The following ZNF407 variants were observed in gnomAD, a reference collection of about 807,000 sequenced individuals.
ZNF407 encodes the protein zinc finger protein 407.
Under a neutral mutation model 131.2 loss-of-function variants are expected in ZNF407, and 17 were observed. The observed-to-expected ratio is 0.13, with a 90% CI of 0.09 to 0.19. The LOEUF (loss-of-function observed/expected upper bound fraction) is 0.19, where lower values mean the gene tolerates loss of function less well. Among genes scored for constraint, ZNF407 ranks in the 10% least tolerant of loss-of-function variants. The pLI, the probability that ZNF407 is intolerant of heterozygous loss-of-function variation, is 1.00. For synonymous variants in ZNF407, 1,156 were observed against 1,062.0 expected (o/e 1.09, Z -1.72); for missense variants, 2,681 against 2,830.6 (o/e 0.95, Z 1.20).
chr18:74,909,450 ATGTTC>A (rs1971639644), intron 7 of ZNF407, among the ~76,000 whole-genome samples: 1 of 152,150 alleles, frequency 6.6e-6, no homozygotes, highest in Non-Finnish European at 1.5e-5. Flanking sequence ...GAAAAAGAAA[ATGTTC>A]TGTAGTCAAA....
At chr18:74,836,031 G>A (rs1209066582) in intron 4 of ZNF407, among the ~76,000 whole-genome samples, 2 of 151,120 alleles carry the variant, frequency 1.3e-5, no homozygotes, top group Non-Finnish European at 1.5e-5. Flanking sequence ...AAAAGAGGCA[G>A]GAAATTAGGG....
intron 7 of ZNF407, among the ~76,000 whole-genome samples, chr18:74,914,437 C>T (rs537638090): frequency 1.3e-5 from 2 of 152,318 alleles, no homozygotes; most frequent in South Asian, 2.1e-4. Context: ...CTTTCCCCTC[C>T]GTCACTTCCT....
At chr18:74,991,683 C>G (rs917079423) in intron 8 of ZNF407, among the ~76,000 whole-genome samples, 1 of 152,170 alleles carries the variant, frequency 6.6e-6, no homozygotes, top group Non-Finnish European at 1.5e-5. Flanking sequence ...AGGTTGAGTT[C>G]TATGTTCAGA....
rs1983316262 is a variant in ZNF407, at chr18:74,616,867, C to T, written c.-53-14100C>T. On this transcript the variant is annotated intron_variant, in intron 1 of 8. Transcript: ENST00000299687. ...CACGCATCCATATCCACACACCACA[C>T]GCATCCATATCCACACACCACACAC... is the stretch of plus-strand genomic sequence containing the variant. 2.3e-4 allele frequency among the ~76,000 whole-genome samples: 12 copies of T among 51,332 alleles called. 1 individual carries two copies. Among genetic ancestry groups the T allele is most frequent in the Admixed American group, 6.1e-4 (3 of 4,948 alleles). The allele number at this position is 51,332 out of a possible 152,430, so 33.7% of individuals were successfully genotyped here. A position where few individuals can be genotyped will look rare whatever the true frequency, so the allele number is the denominator to read the frequency against.
intron 4 of ZNF407, among the ~76,000 whole-genome samples, chr18:74,848,592 T>C (rs1365971524): frequency 6.6e-6 from 1 of 150,510 alleles, no homozygotes; most frequent in East Asian, 1.9e-4. Context: ...GTAAATTTGA[T>C]AAAATATTTT....
chr18:74,662,810 A>G (rs1985769428), intron 3 of ZNF407, among the ~76,000 whole-genome samples: 3 of 152,228 alleles, frequency 2.0e-5, no homozygotes, highest in Non-Finnish European at 4.4e-5. Context: ...GGTGAAAAGT[A>G]TTCAATTGTC....
At chr18:74,667,131 C>T (rs1460442169) in intron 3 of ZNF407, among the ~76,000 whole-genome samples, 5 of 152,176 alleles carry the variant, frequency 3.3e-5, no homozygotes, top group Non-Finnish European at 7.3e-5. Flanking sequence ...TTTCTGCACC[C>T]TCTACCTGTG....
intron 1 of ZNF407, among the ~76,000 whole-genome samples, chr18:74,611,044 C>T (rs73480534): frequency 6.6e-6 from 1 of 152,290 alleles, no homozygotes; most frequent in African/African-American, 2.4e-5. Flanking sequence ...TTTTGATATC[C>T]TCTCTAAAGT....
intron 3 of ZNF407, among the ~76,000 whole-genome samples, chr18:74,670,113 C>T (rs1313816853): frequency 6.6e-6 from 1 of 152,164 alleles, no homozygotes; most frequent in Non-Finnish European, 1.5e-5. Context: ...TTCACATCAC[C>T]AGAGTCTGAT....
chr18:74,766,645 G>GA (rs1272210486), intron 3 of ZNF407, among the ~76,000 whole-genome samples: 1 of 151,766 alleles, frequency 6.6e-6, no homozygotes, highest in Non-Finnish European at 1.5e-5. Flanking sequence ...TCTAACTAAA[G>GA]AAAAAAAGAA....
At chr18:74,683,889 G>T (rs1278824276) in intron 3 of ZNF407, among the ~76,000 whole-genome samples, 1 of 152,132 alleles carries the variant, frequency 6.6e-6, no homozygotes, top group East Asian at 1.9e-4. Context: ...TTTTCCAGAG[G>T]TTTAAGATCA....
intron 4 of ZNF407, among the ~76,000 whole-genome samples, chr18:74,865,255 C>T (rs1970994589): frequency 1.3e-5 from 2 of 152,160 alleles, no homozygotes; most frequent in Non-Finnish European, 2.9e-5. Context: ...AGTTCATTTC[C>T]ATCTGAAAAA....
intron 8 of ZNF407, among the ~76,000 whole-genome samples, chr18:74,983,823 G>A (rs921095870): frequency 6.6e-6 from 1 of 152,216 alleles, no homozygotes; most frequent in Non-Finnish European, 1.5e-5. Context: ...AGAGGAGAAA[G>A]GAGTCCCACA....
intron 3 of ZNF407, 47 bp downstream of exon 3, chr18:74,641,169 G>A: frequency 6.9e-7 from 1 of 1,456,058 alleles, no homozygotes; most frequent in African/African-American, 1.4e-5. Flanking sequence ...GGAAGCATGT[G>A]CAGGATAGCC....
chr18:74,747,664 G>C (rs1296833962), intron 3 of ZNF407, among the ~76,000 whole-genome samples: 1 of 152,010 alleles, frequency 6.6e-6, no homozygotes, highest in East Asian at 1.9e-4. Flanking sequence ...TGCCAATACT[G>C]TCTAGGGTTC....
At chr18:74,808,253 A>G (rs1284781209) in intron 4 of ZNF407, among the ~76,000 whole-genome samples, 6 of 152,156 alleles carry the variant, frequency 3.9e-5, no homozygotes, top group African/African-American at 1.4e-4. Flanking sequence ...ACCTCAGGTG[A>G]TCCACCGGCC....
intron 7 of ZNF407, 139 bp from the exon 8 acceptor site, chr18:74,920,375 T>C: frequency 1.6e-6 from 1 of 616,096 alleles, no homozygotes; most frequent in Non-Finnish European, 2.4e-6. Flanking sequence ...TGATGTATTA[T>C]ATAAGCTAAT....
chr18:74,909,057 C>CAT (rs10684876), intron 7 of ZNF407, among the ~76,000 whole-genome samples: 147,249 of 151,720 alleles, frequency 0.97, 71,626 homozygotes, highest in East Asian at 1. Flanking sequence ...TTTATATAAA[C>CAT]GTATAATATT....
At chr18:75,042,498 A>T (rs767439666) in intron 8 of ZNF407, among the ~76,000 whole-genome samples, 44 of 152,228 alleles carry the variant, frequency 2.9e-4, no homozygotes, top group Non-Finnish European at 5.4e-4. Flanking sequence ...GTAACTGCCC[A>T]CTGAATTTAG....
Sources: allele counts gnomAD v4.1 joint callset (sites outside exome capture counted in the v4.1 genomes callset), GRCh38; gene constraint gnomAD v4.1.1; transcripts MANE v1.5; gene names NCBI Gene and HGNC (gene_info 2026-07-23, HGNC 2026-07-21).